AGTPBP1: variants seen among roughly 807,000 people sequenced by gnomAD.
The protein encoded by AGTPBP1 is ATP/GTP binding carboxypeptidase 1.
In AGTPBP1, 70 loss-of-function variants were observed where a neutral mutation model predicts 143.9. The observed-to-expected ratio is 0.49, with a 90% CI of 0.40 to 0.59. The LOEUF (loss-of-function observed/expected upper bound fraction) is 0.59, where lower values mean the gene tolerates loss of function less well. AGTPBP1 is among the 20% of genes least tolerant of loss of function. The pLI is 0.00. For missense variants in AGTPBP1, 1,229 were observed against 1,464.5 expected (o/e 0.84, Z 2.62); for synonymous variants, 463 against 500.2 (o/e 0.93, Z 0.99).
At chr9:85,560,037 T>C (rs1371728164) in intron 25 of AGTPBP1, among the ~76,000 whole-genome samples, 1 of 152,164 alleles carries the variant, frequency 6.6e-6, no homozygotes, top group African/African-American at 2.4e-5. Context: ...AGACACTGGC[T>C]GGGGTCAAGG....
At chr9:85,728,030 TAC>T (rs57676033) in intron 1 of AGTPBP1, among the ~76,000 whole-genome samples, 22,273 of 128,098 alleles carry the variant, frequency 0.17, 2,217 homozygotes, top group East Asian at 0.47. Flanking sequence ...TATATTTATA[TAC>T]ACACACACAC....
At chr9:85,588,248 G>A (rs763014023) in intron 21 of AGTPBP1, 50 bp downstream of exon 21, 6 of 1,460,816 alleles carry the variant, frequency 4.1e-6, no homozygotes. Flanking sequence ...AGTTTATACA[G>A]GACAACCACA....
chr9:85,742,120 C>G (rs1025707054), upstream of AGTPBP1: 2 of 921,984 alleles, frequency 2.2e-6, no homozygotes, highest in African/African-American at 3.5e-5. Flanking sequence ...TCCGTGCGCG[C>G]TGCGCCCCGC....
chr9:85,554,914 T>C (rs751015783), intron 25 of AGTPBP1, among the ~76,000 whole-genome samples: 3 of 152,142 alleles, frequency 2.0e-5, no homozygotes, highest in Non-Finnish European at 2.9e-5. Context: ...ATGAAAAATA[T>C]ATAACTGAAA....
chr9:85,627,399 G>A (rs1831370584), intron 14 of AGTPBP1, among the ~76,000 whole-genome samples: 1 of 152,052 alleles, frequency 6.6e-6, no homozygotes, highest in Admixed American at 6.6e-5. Context: ...AAGCATTTCT[G>A]CCATACACAT....
chr9:85,760,604 T>C, the AGTPBP1 span, among the ~76,000 whole-genome samples: 1 of 152,144 alleles, frequency 6.6e-6, no homozygotes, highest in East Asian at 1.9e-4. Context: ...AAATTAGGTA[T>C]TGAGGGGACA....
At chr9:85,740,220 G>A (rs771620038) in intron 1 of AGTPBP1, among the ~76,000 whole-genome samples, 11 of 152,142 alleles carry the variant, frequency 7.2e-5, no homozygotes, top group Non-Finnish European at 1.5e-4. Flanking sequence ...CAAATACGAG[G>A]GTAGTTTTAA....
At chr9:85,618,925 C>A in intron 17 of AGTPBP1, 58 bp downstream of exon 17, 4 of 1,492,498 alleles carry the variant, frequency 2.7e-6, no homozygotes, top group Non-Finnish European at 2.7e-6. Flanking sequence ...AAAAAAACTT[C>A]TTTTCCACAG....
At chr9:85,608,076 C>A (rs747230495) in intron 17 of AGTPBP1, among the ~76,000 whole-genome samples, 1 of 151,952 alleles carries the variant, frequency 6.6e-6, no homozygotes, top group Non-Finnish European at 1.5e-5. Context: ...CCCAGGCCTT[C>A]AGCATTACTA....
intron 22 of AGTPBP1, 40 bp downstream of exon 22, chr9:85,586,791 T>A: frequency 6.3e-7 from 1 of 1,592,312 alleles, no homozygotes; most frequent in South Asian, 1.1e-5. Flanking sequence ...TGATATTTTA[T>A]CTTTGACTAT....
At chr9:85,717,011 T>C (rs1264923233) in intron 1 of AGTPBP1, among the ~76,000 whole-genome samples, 1 of 152,222 alleles carries the variant, frequency 6.6e-6, no homozygotes, top group Non-Finnish European at 1.5e-5. Context: ...TTGCCTGGAA[T>C]GTGCTTCTGC....
At chr9:85,648,568 T>G (rs1209194301) in intron 11 of AGTPBP1, among the ~76,000 whole-genome samples, 1 of 152,102 alleles carries the variant, frequency 6.6e-6, no homozygotes, top group Non-Finnish European at 1.5e-5. Flanking sequence ...ATCCCAGCAT[T>G]CTGGGAGGCC....
intron 22 of AGTPBP1, 29 bp from the exon 23 acceptor site, chr9:85,585,623 A>C (rs757393543): frequency 1.3e-6 from 2 of 1,533,586 alleles, no homozygotes; most frequent in Non-Finnish European, 1.8e-6. Context: ...AAAAATTAAA[A>C]GACTTCAAGT....
the AGTPBP1 span, chr9:85,764,864 C>A: frequency 5.5e-6 from 7 of 1,272,780 alleles, no homozygotes; most frequent in Non-Finnish European, 8.0e-6. Context: ...GGATCAGCTC[C>A]AGAAACGAAG....
intron 19 of AGTPBP1, among the ~76,000 whole-genome samples, chr9:85,592,331 C>T (rs907571064): frequency 2.6e-5 from 4 of 151,820 alleles, no homozygotes; most frequent in African/African-American, 7.3e-5. Context: ...TAGTATTTTC[C>T]AAAATCTTCA....
chr9:85,637,097 A>G (rs1832116643), intron 13 of AGTPBP1, among the ~76,000 whole-genome samples: 2 of 149,494 alleles, frequency 1.3e-5, no homozygotes, highest in African/African-American at 2.5e-5. Flanking sequence ...GCTGGAGTGC[A>G]ATGGCATGAT....
intron 25 of AGTPBP1, among the ~76,000 whole-genome samples, chr9:85,572,608 A>G (rs914345779): frequency 2.6e-5 from 4 of 152,222 alleles, no homozygotes; most frequent in Admixed American, 2.0e-4. Context: ...AAACAATAAG[A>G]CCAGTGGAGG....
the AGTPBP1 span, among the ~76,000 whole-genome samples, chr9:85,779,123 T>C: frequency 1.5e-4 from 23 of 151,568 alleles, no homozygotes; most frequent in African/African-American, 5.3e-4. Flanking sequence ...CCACTCCTGG[T>C]ACCAAAACCT....
chr9:85,709,329 G>C (rs1186614461), intron 2 of AGTPBP1, among the ~76,000 whole-genome samples: 1 of 152,274 alleles, frequency 6.6e-6, no homozygotes, highest in East Asian at 1.9e-4. Context: ...TTTTCAACCT[G>C]ATAAAAAGCA....
Sources: allele counts gnomAD v4.1 joint callset (sites outside exome capture counted in the v4.1 genomes callset), GRCh38; gene constraint gnomAD v4.1.1; transcripts MANE v1.5; gene names NCBI Gene and HGNC (gene_info 2026-07-23, HGNC 2026-07-21).